The following TCEA2 variants were observed in gnomAD, a reference collection of about 807,000 sequenced individuals.
TCEA2 encodes the protein transcription elongation factor A protein 2.
In TCEA2, 21 loss-of-function variants were observed where a neutral mutation model predicts 40.8. The ratio of observed to expected loss-of-function variants is 0.51; its 90% CI spans 0.36 to 0.74. The LOEUF is 0.74. Ranked by LOEUF, TCEA2 falls within the 30% of genes least tolerant of loss-of-function variation. The pLI, the probability that TCEA2 is intolerant of heterozygous loss-of-function variation, is 0.00. For synonymous variants in TCEA2, 165 were observed against 162.7 expected (o/e 1.01, Z -0.11); for missense variants, 326 against 426.5 (o/e 0.76, Z 2.08).
chr20:64,069,798 G>A lies in TCEA2; in HGVS notation c.494G>A (p.Arg165His), dbSNP rs201769887. 99 of 1,613,782 alleles carry A rather than the reference G, an allele frequency of 6.1e-5. No homozygotes were observed. The highest frequency in any genetic ancestry group is 7.6e-5 in the Non-Finnish European group (90 of 1,179,896). Reference protein sequence around the residue: ...DHVAIGADCERLSAQIEECIF... With the variant: ...DHVAIGADCEHLSAQIEECIF... ...GTGGCCATCGGTGCGGACTGCGAGC[G>A]CCTGTCGGCTCAGATCGAGGAATAT... Residue 165 changes from arginine to histidine, a missense_variant, in exon 6 of 10, where the codon CGC (arginine) becomes CAC (histidine). Arg to His is a conservative substitution (Grantham distance 29). Coordinates refer to ENST00000343484, the MANE Select transcript of TCEA2 (RefSeq NM_003195.6).
upstream of TCEA2, among the ~76,000 whole-genome samples, chr20:64,056,128 C>G (rs191314243): frequency 3.3e-5 from 5 of 152,130 alleles, no homozygotes; most frequent in African/African-American, 1.2e-4. Context: ...CTTGCCTCCC[C>G]CAGCGTTGCT....
At chr20:64,065,094 C>T (rs996033991) in intron 1 of TCEA2, among the ~76,000 whole-genome samples, 1 of 152,108 alleles carries the variant, frequency 6.6e-6, no homozygotes, top group Non-Finnish European at 1.5e-5. Context: ...CCTGGGGGTC[C>T]CAGTGCCTGA....
chr20:64,069,967 G>A (rs1275345836), intron 6 of TCEA2, 146 bp downstream of exon 6: 9 of 1,073,848 alleles, frequency 8.4e-6, no homozygotes, highest in African/African-American at 1.6e-5. Context: ...GGGTGGTCAG[G>A]CTGTCTCACC....
rs1293950808 is a variant in TCEA2, at chr20:64,063,212, T to TCGGCTGCGG, written c.-97_-89dup. ...GTCTGTCGTCCGCGGCGGGGCTGCG[T>TCGGCTGCGG]CGGCTGCGGCGGGTGTGGGAGGTGG... is the stretch of plus-strand genomic sequence containing the variant. On this transcript the variant is annotated 5_prime_UTR_variant, in exon 1 of 10. Coordinates refer to ENST00000343484, the MANE Select transcript of TCEA2 (RefSeq NM_003195.6). 9.4e-7 allele frequency: 1 copy of TCGGCTGCGG among 1,068,956 alleles called. No individual in the cohort carries two copies. The highest frequency in any genetic ancestry group is 1.7e-5 in the African/African-American group (1 of 59,192). The allele number at this position is 1,068,956 out of a possible 1,614,324, so 66.2% of individuals were successfully genotyped here.
chr20:64,063,543 G>C (rs1280587856), intron 1 of TCEA2, 159 bp downstream of exon 1: 3 of 845,400 alleles, frequency 3.5e-6, no homozygotes, highest in Non-Finnish European at 5.4e-6. Context: ...CCCACCCGTG[G>C]CCGAGACCCC....
At chr20:64,057,765 TG>T (rs1413594262) in intron 1 of TCEA2, 2 of 152,256 alleles carry the variant, frequency 1.3e-5, no homozygotes, top group Non-Finnish European at 2.9e-5. Context: ...GTTTCAGGGT[TG>T]GTCGCCGCCA....
At chr20:64,067,336 G>A (rs1228576272) in intron 3 of TCEA2, among the ~76,000 whole-genome samples, 4 of 152,222 alleles carry the variant, frequency 2.6e-5, no homozygotes, top group African/African-American at 2.4e-5. Flanking sequence ...ACTGGGGTGA[G>A]TTGGGAGGTC....
upstream of TCEA2, among the ~76,000 whole-genome samples, chr20:64,060,333 T>G (rs922657309): frequency 6.6e-6 from 1 of 152,232 alleles, no homozygotes; most frequent in African/African-American, 2.4e-5. Flanking sequence ...CCTATGTGTC[T>G]GGCCAGGCAG....
intron 5 of TCEA2, 58 bp downstream of exon 5, chr20:64,069,549 C>A: frequency 6.3e-7 from 1 of 1,585,236 alleles, no homozygotes; most frequent in Middle Eastern, 2.0e-4. Flanking sequence ...GTGGCCCGGG[C>A]CCCTGCCTGC....
intron 1 of TCEA2, among the ~76,000 whole-genome samples, chr20:64,057,942 C>G (rs1439056740): frequency 6.6e-6 from 1 of 152,184 alleles, no homozygotes; most frequent in East Asian, 1.9e-4. Context: ...GTGGCTCACT[C>G]CTGCCACCTA....
At chr20:64,063,122 G>A (rs1234075808), upstream of TCEA2, 3 of 350,174 alleles carry the variant, frequency 8.6e-6, no homozygotes, top group Admixed American at 5.1e-5. Flanking sequence ...CGCGGCAGGC[G>A]GGCGCGTGGA....
intron 6 of TCEA2, 120 bp from the exon 7 acceptor site, chr20:64,070,140 G>A (rs1021207688): frequency 7.5e-6 from 11 of 1,457,206 alleles, no homozygotes; most frequent in African/African-American, 4.2e-5. Context: ...TGGGCAGACC[G>A]ACCCCTGTGT....
At chr20:64,057,419 G>A (rs553812418) in exon 1 of TCEA2, 3 of 152,400 alleles carry the variant, frequency 2.0e-5, no homozygotes, top group African/African-American at 7.2e-5. Flanking sequence ...GTGTGTGCGA[G>A]GCTCCCGCCT....
chr20:64,062,023 C>T (rs2059575992), upstream of TCEA2, among the ~76,000 whole-genome samples: 1 of 152,254 alleles, frequency 6.6e-6, no homozygotes, highest in South Asian at 2.1e-4. Context: ...GCCACTATTG[C>T]CCGGCTAAGA....
chr20:64,060,668 G>A (rs142775071), upstream of TCEA2, among the ~76,000 whole-genome samples: 6 of 152,164 alleles, frequency 3.9e-5, no homozygotes, highest in African/African-American at 1.2e-4. Flanking sequence ...TCACTGTGAG[G>A]GGCAGAATCA....
chr20:64,058,140 G>A lies in TCEA2; in HGVS notation c.-84+489G>A, dbSNP rs112375145. ...GCTCCTGTCATAGCGGAGTGGCTGC[G>A]GCCCGCAGGTCAGAGGCACCCGACC... On this transcript the variant is annotated intron_variant, in intron 1 of 10. Transcript: ENST00000361317. This position sits in a 1 kb window ranked among gnomAD's most constrained non-coding sequence, Gnocchi z 6.7. Among the ~76,000 whole-genome samples, 2,757 of 152,260 alleles carry A rather than the reference G, an allele frequency of 0.018. 86 individuals carry two copies. Among genetic ancestry groups the A allele is most frequent in the African/African-American group, 0.063 (2,632 of 41,526 alleles).
In TCEA2 at chr20:64,072,345, C is replaced by A; in HGVS notation, c.*165C>A. 2 of 789,520 alleles carry A rather than the reference C, an allele frequency of 2.5e-6. No homozygotes were observed. Among genetic ancestry groups the A allele is most frequent in the Non-Finnish European group, 2.0e-6 (1 of 498,852 alleles). The allele number at this position is 789,520 out of a possible 1,614,324, so 48.9% of individuals were successfully genotyped here. On this transcript the variant is annotated 3_prime_UTR_variant, in exon 10 of 10. Transcript: ENST00000343484. ...CCTCATTATTAAATGTTTCTTTTTG[C>A]CATCTTGTTCTCCTCAGCCGTTACT...
chr20:64,063,065 G>C, upstream of TCEA2: 1 of 258,224 alleles, frequency 3.9e-6, no homozygotes, highest in Non-Finnish European at 7.2e-6. Flanking sequence ...GGCTGTGCGC[G>C]CCGCGTGGCG....
intron 3 of TCEA2, 82 bp downstream of exon 3, chr20:64,067,102 T>C: frequency 1.4e-6 from 2 of 1,396,836 alleles, no homozygotes; most frequent in Admixed American, 2.0e-5. Context: ...CAGTGTAGAG[T>C]GCTGGCAGTG....
Sources: gnomAD v4.1 joint callset for allele counts (sites outside exome capture counted in the v4.1 genomes callset) on GRCh38, gnomAD v4.1.1 for gene constraint, Gnocchi (gnomAD v3.1) non-coding constraint, MANE v1.5 for transcripts, NCBI Gene and HGNC (gene_info 2026-07-23, HGNC 2026-07-21) for gene names.